LOXHD1: variants seen among roughly 807,000 people sequenced by gnomAD.
The protein encoded by LOXHD1 is lipoxygenase homology domain-containing protein 1.
LOXHD1 carries 205 observed loss-of-function variants against 248.2 expected under a neutral mutation model. That is an observed-to-expected ratio of 0.83 (90% CI 0.74 to 0.93). LOXHD1 has a LOEUF of 0.93. Ranked by LOEUF, LOXHD1 falls within the 40% of genes least tolerant of loss-of-function variation. The pLI, the probability that LOXHD1 is intolerant of heterozygous loss-of-function variation, is 0.00. For synonymous variants in LOXHD1, 1,113 were observed against 1,162.8 expected (o/e 0.96, Z 0.87); for missense variants, 2,930 against 2,971.6 (o/e 0.99, Z 0.33).
At chr18:46,549,649 G>T (rs1399704868) in intron 21 of LOXHD1, among the ~76,000 whole-genome samples, 1 of 152,196 alleles carries the variant, frequency 6.6e-6, no homozygotes, top group Non-Finnish European at 1.5e-5. Context: ...GGAGGAATGG[G>T]AGATTCCAGA....
At chr18:46,518,919 TC>T (rs1219587457) in intron 33 of LOXHD1, 9 of 985,388 alleles carry the variant, frequency 9.1e-6, no homozygotes, top group Non-Finnish European at 1.1e-5. Context: ...AGTGAGACAA[TC>T]CCCTAGTTCC....
At chr18:46,539,575 T>G (rs572400612) in intron 25 of LOXHD1, among the ~76,000 whole-genome samples, 2 of 152,318 alleles carry the variant, frequency 1.3e-5, no homozygotes, top group East Asian at 3.9e-4. Flanking sequence ...TGAAACAATG[T>G]ATTGCTATAG....
chr18:46,502,831 C>T (rs1316550355), intron 37 of LOXHD1, among the ~76,000 whole-genome samples: 1 of 152,196 alleles, frequency 6.6e-6, no homozygotes, highest in East Asian at 1.9e-4. Context: ...CTCCAGTTTT[C>T]TGGGCTGACT....
In LOXHD1 at chr18:46,563,104, G is replaced by A. The variant is rs1568187650; in HGVS notation, c.2559C>T (p.Arg853=). The part of the protein sequence containing the change: ...GKTEVLFLSS[R]SKVFERASKD... ...TGGACGCCCGTTCAAAAACTTTTGAGCGGCTGGAGAGGAAGAGCACTTCTG... is the reference window on the plus strand; with the variant it reads ...TGGACGCCCGTTCAAAAACTTTTGAACGGCTGGAGAGGAAGAGCACTTCTG... The change falls in exon 18 of 41, where the codon CGC becomes CGT. Residue 853 remains arginine, a synonymous_variant. Coordinates refer to ENST00000642948, the MANE Select transcript of LOXHD1 (RefSeq NM_001384474.1). 1.9e-6 allele frequency: 3 copies of A among 1,545,824 alleles called. No homozygotes were observed. Among genetic ancestry groups the A allele is most frequent in the Non-Finnish European group, 2.6e-6 (3 of 1,141,998 alleles).
At chr18:46,614,858 T>C (rs1225216285) in intron 5 of LOXHD1, among the ~76,000 whole-genome samples, 1 of 152,142 alleles carries the variant, frequency 6.6e-6, no homozygotes, top group Non-Finnish European at 1.5e-5. Context: ...CACATTACCT[T>C]TTTCCCTATT....
Position 46,543,450 on chromosome 18 carries a change from G to T in LOXHD1, c.3620-595C>A, listed in dbSNP as rs537465268. ...TTTTTTATTACACTTTAAGTTCTGG[G>T]GTACACGTGCAGAACATGAGGTTTT... On this transcript the variant is annotated intron_variant, in intron 23 of 40. Transcript: ENST00000642948. Among the ~76,000 whole-genome samples the T allele has an allele frequency of 2.2e-3, 327 of 151,838 alleles. 1 individual carries two copies. Among genetic ancestry groups the T allele is most frequent in the Non-Finnish European group, 3.6e-3 (245 of 67,932 alleles).
intron 33 of LOXHD1, among the ~76,000 whole-genome samples, chr18:46,519,269 C>T (rs2035442185): frequency 1.3e-5 from 2 of 152,202 alleles, no homozygotes; most frequent in East Asian, 1.9e-4. Flanking sequence ...GTACCTGGTC[C>T]AGTGTGTCCC....
At chr18:46,587,323 C>A (rs996314614) in intron 12 of LOXHD1, among the ~76,000 whole-genome samples, 4 of 152,194 alleles carry the variant, frequency 2.6e-5, no homozygotes, top group Admixed American at 1.3e-4. Flanking sequence ...GCTCTCAACA[C>A]CAGCCTGGCT....
intron 4 of LOXHD1, 64 bp downstream of exon 4, chr18:46,639,552 T>G: frequency 2.0e-6 from 3 of 1,505,850 alleles, no homozygotes; most frequent in Non-Finnish European, 2.7e-6. Flanking sequence ...CAGGCACGAT[T>G]CTTTCCTGGG....
At chr18:46,653,398 T>G (rs1011140819) in intron 1 of LOXHD1, among the ~76,000 whole-genome samples, 5 of 152,248 alleles carry the variant, frequency 3.3e-5, no homozygotes, top group African/African-American at 1.2e-4. Flanking sequence ...CATGTGCATA[T>G]GTAAACGTAC....
intron 8 of LOXHD1, among the ~76,000 whole-genome samples, chr18:46,599,686 C>T (rs1294505169): frequency 6.6e-6 from 1 of 151,870 alleles, no homozygotes; most frequent in South Asian, 2.1e-4. Flanking sequence ...GAATTAATAT[C>T]CAGATTAAAT....
chr18:46,594,305 C>G (rs2038223443), intron 9 of LOXHD1, 26 bp downstream of exon 9: 1 of 1,551,240 alleles, frequency 6.4e-7, no homozygotes, highest in Non-Finnish European at 8.7e-7. Flanking sequence ...TGAGAGGCCT[C>G]CAGGTTCTGG....
intron 40 of LOXHD1, among the ~76,000 whole-genome samples, chr18:46,478,699 T>A (rs542635351): frequency 1.3e-5 from 2 of 152,162 alleles, no homozygotes; most frequent in Non-Finnish European, 2.9e-5. Context: ...TTTTTAATTT[T>A]TATTTTCTTT....
chr18:46,522,357 G>A, intron 31 of LOXHD1, 48 bp from the exon 32 acceptor site: 1 of 1,464,604 alleles, frequency 6.8e-7, no homozygotes, highest in Non-Finnish European at 9.3e-7. Context: ...AGATAGACAA[G>A]GCACTGCCTC....
intron 4 of LOXHD1, among the ~76,000 whole-genome samples, chr18:46,622,319 CTTTA>C (rs1460638926): frequency 2.0e-5 from 3 of 152,182 alleles, no homozygotes; most frequent in Admixed American, 6.5e-5. Context: ...TACAGTAAGA[CTTTA>C]TTTATGGACA....
chr18:46,544,429 TG>T lies in LOXHD1; in HGVS notation c.3619+887del, dbSNP rs551393804. Among the ~76,000 whole-genome samples the T allele has an allele frequency of 1.8e-3, 274 of 152,338 alleles. 4 individuals carry two copies. The highest frequency in any genetic ancestry group is 6.2e-3 in the African/African-American group (259 of 41,574). On this transcript the variant is annotated intron_variant, in intron 23 of 40. Transcript: ENST00000642948. ...CAAAGCCGATTAATTTCTTTGATCA[TG>T]GTTCAGGAATGATTGCAATCACATG...
At chr18:46,483,867 G>C (rs1045613855) in intron 39 of LOXHD1, 122 bp from the exon 40 acceptor site, 7 of 1,186,834 alleles carry the variant, frequency 5.9e-6, no homozygotes, top group Non-Finnish European at 8.2e-6. Context: ...TGGCAAGCAG[G>C]AGCTCATGGC....
chr18:46,498,970 C>T (rs931890691), intron 37 of LOXHD1, among the ~76,000 whole-genome samples: 3 of 152,092 alleles, frequency 2.0e-5, no homozygotes, highest in Non-Finnish European at 4.4e-5. Context: ...CTGTGGAAGT[C>T]TAGAAAAGGA....
intron 2 of LOXHD1, among the ~76,000 whole-genome samples, chr18:46,647,025 C>A (rs1392438010): frequency 6.6e-6 from 1 of 152,236 alleles, no homozygotes; most frequent in Non-Finnish European, 1.5e-5. Context: ...TCCTGACCAG[C>A]TGGATTGGGG....
Sources: allele counts gnomAD v4.1 joint callset (sites outside exome capture counted in the v4.1 genomes callset), GRCh38; gene constraint gnomAD v4.1.1; transcripts MANE v1.5; gene names NCBI Gene and HGNC (gene_info 2026-07-23, HGNC 2026-07-21).